Variants in GRIP1 observed in about 807,000 individuals in gnomAD.
GRIP1 encodes the protein glutamate receptor interacting protein 1.
Under a neutral mutation model 129.9 loss-of-function variants are expected in GRIP1, and 45 were observed. The ratio of observed to expected loss-of-function variants is 0.35; its 90% CI spans 0.27 to 0.44. The LOEUF is 0.44. Among genes scored for constraint, GRIP1 ranks in the 20% least tolerant of loss-of-function variants. GRIP1 has a pLI of 1.00. For missense variants in GRIP1, 1,196 were observed against 1,396.8 expected, an observed-to-expected ratio of 0.86 and a Z score of 2.29; for synonymous variants, 530 against 520.8, an observed-to-expected ratio of 1.02 and a Z score of -0.24.
chr12:66,484,653 T>G (rs11176222), intron 7 of GRIP1, among the ~76,000 whole-genome samples: 64,795 of 151,824 alleles, frequency 0.43, 14,342 homozygotes, highest in Middle Eastern at 0.61. Flanking sequence ...GAGAGTAGAA[T>G]GGTGGTTACC....
chr12:66,687,684 A>G (rs2034833501), intron 1 of GRIP1, among the ~76,000 whole-genome samples: 2 of 152,218 alleles, frequency 1.3e-5, no homozygotes, highest in South Asian at 4.1e-4. Context: ...TGAATTGCTC[A>G]TGCTTAAACA....
At chr12:66,800,886 G>T (rs569856114) in intron 1 of GRIP1, among the ~76,000 whole-genome samples, 1 of 151,908 alleles carries the variant, frequency 6.6e-6, no homozygotes, top group African/African-American at 2.4e-5. Flanking sequence ...TGCAGTCTCG[G>T]ATTTACAAAC....
chr12:66,376,985 C>T (rs751218123), intron 22 of GRIP1, 32 bp downstream of exon 22: 1 of 1,551,148 alleles, frequency 6.4e-7, no homozygotes, highest in South Asian at 1.1e-5. Context: ...GGCAGCTTCA[C>T]AAGCAAAAAT....
intron 7 of GRIP1, among the ~76,000 whole-genome samples, chr12:66,466,501 G>A (rs1397543888): frequency 6.6e-6 from 1 of 152,188 alleles, no homozygotes; most frequent in Non-Finnish European, 1.5e-5. Flanking sequence ...AAAACATCTG[G>A]ATTCAATTCT....
chr12:66,538,385 A>G (rs1199531326), intron 4 of GRIP1, among the ~76,000 whole-genome samples: 2 of 150,988 alleles, frequency 1.3e-5, no homozygotes, highest in African/African-American at 4.9e-5. Flanking sequence ...TGGTAGAAAC[A>G]TGGTCTCATT....
intron 1 of GRIP1, among the ~76,000 whole-genome samples, chr12:66,706,853 C>T (rs1443166200): frequency 6.6e-6 from 1 of 151,778 alleles, no homozygotes; most frequent in African/African-American, 2.4e-5. Context: ...AGAACATACA[C>T]CAGGACCTAT....
intron 1 of GRIP1, among the ~76,000 whole-genome samples, chr12:66,881,164 G>A (rs2040471870): frequency 6.7e-6 from 1 of 149,530 alleles, no homozygotes; most frequent in African/African-American, 2.5e-5. Flanking sequence ...AAAAGGCCCA[G>A]TGGACAGAAA....
At chr12:66,449,002 T>G (rs2058704429) in intron 11 of GRIP1, among the ~76,000 whole-genome samples, 1 of 152,186 alleles carries the variant, frequency 6.6e-6, no homozygotes, top group Non-Finnish European at 1.5e-5. Flanking sequence ...GCCCCAACCC[T>G]CTTGACACAC....
At chr12:66,585,829 T>C (rs1274858944) in intron 2 of GRIP1, among the ~76,000 whole-genome samples, 1 of 152,000 alleles carries the variant, frequency 6.6e-6, no homozygotes, top group Non-Finnish European at 1.5e-5. Flanking sequence ...ACTGTGGTTT[T>C]GATTTGCATT....
intron 1 of GRIP1, among the ~76,000 whole-genome samples, chr12:66,884,503 T>C (rs964402544): frequency 2.6e-5 from 4 of 152,186 alleles, no homozygotes; most frequent in African/African-American, 7.2e-5. Flanking sequence ...GGAAAGCAAC[T>C]TCCTTGAATG....
chr12:67,056,923 G>T (rs1348956545), intron 1 of GRIP1, among the ~76,000 whole-genome samples: 1 of 152,074 alleles, frequency 6.6e-6, no homozygotes, highest in Non-Finnish European at 1.5e-5. Context: ...CGATTCTCCT[G>T]CCTCAATCTC....
At chr12:66,410,249 CAAAAA>C (rs1177155122) in intron 15 of GRIP1, among the ~76,000 whole-genome samples, 2 of 47,434 alleles carry the variant, frequency 4.2e-5, no homozygotes, top group Admixed American at 3.7e-4. Context: ...GACTCCGTCT[CAAAAA>C]AAAAAAAAAA....
Position 66,362,433 on chromosome 12 carries a change from G to A in GRIP1, c.3013-8870C>T, listed in dbSNP as rs567514030. Among the ~76,000 whole-genome samples, 19 of 151,666 alleles carry A rather than the reference G, an allele frequency of 1.3e-4. No individual in the cohort carries two copies. The East Asian group carries it at 1.4e-3, about 11-fold the overall frequency. On this transcript the variant is annotated intron_variant, in intron 23 of 24. Coordinates refer to ENST00000359742, the MANE Select transcript of GRIP1 (RefSeq NM_001366722.1). ...CTCCCAAAATGCTGGGATTACAGGCGCAAGTCACCGCGCCCAGCCTTCAAT... is the reference window on the plus strand; with the variant it reads ...CTCCCAAAATGCTGGGATTACAGGCACAAGTCACCGCGCCCAGCCTTCAAT...
chr12:66,554,178 G>A (rs1314119383), intron 2 of GRIP1, among the ~76,000 whole-genome samples: 1 of 152,168 alleles, frequency 6.6e-6, no homozygotes, highest in African/African-American at 2.4e-5. Flanking sequence ...AGAGAAGAGG[G>A]AAGAGTAAAG....
chr12:67,003,187 T>C (rs2042577316), intron 1 of GRIP1, among the ~76,000 whole-genome samples: 1 of 152,182 alleles, frequency 6.6e-6, no homozygotes, highest in Non-Finnish European at 1.5e-5. Context: ...TTCCTCCTCT[T>C]CCAACGCCCT....
chr12:66,508,553 G>A lies in GRIP1; in HGVS notation c.724+7066C>T, dbSNP rs146602510. Among the ~76,000 whole-genome samples, 947 of 152,232 alleles carry A rather than the reference G, an allele frequency of 6.2e-3. 8 individuals carry two copies. Among genetic ancestry groups the A allele is most frequent in the African/African-American group, 0.022 (905 of 41,540 alleles). ...ATCCAAATAAGAACAGGATGAATGA[G>A]GGAGATGGATTTGACCTGGGCCGGT... On this transcript the variant is annotated intron_variant, in intron 7 of 24. Transcript: ENST00000359742.
chr12:66,435,088 C>T (rs1039081974), intron 13 of GRIP1, among the ~76,000 whole-genome samples: 5 of 152,204 alleles, frequency 3.3e-5, no homozygotes, highest in South Asian at 4.1e-4. Context: ...CAAGTGTTTA[C>T]GGGCATAGCA....
chr12:66,961,900 C>T (rs2041926953), intron 1 of GRIP1, among the ~76,000 whole-genome samples: 1 of 152,110 alleles, frequency 6.6e-6, no homozygotes, highest in Non-Finnish European at 1.5e-5. Context: ...ACGTTGTTTG[C>T]TTACTCTAAT....
At position 66,455,537 on chromosome 12, in the gene GRIP1, G is replaced by A; in HGVS notation, c.1226C>T (p.Pro409Leu). ...PPALVSSSFSPTSMSAYSLSS... is the reference protein window; with the variant it reads ...PPALVSSSFSLTSMSAYSLSS... Reference sequence around the variant, plus strand: ...CAGGCTGTATGCACTCATGGAGGTAGGAGAGAAGGATGAAGACACCAAAGC... The same window carrying A: ...CAGGCTGTATGCACTCATGGAGGTAAGAGAGAAGGATGAAGACACCAAAGC... Residue 409 changes from proline (P) to leucine (L), a missense_variant, in exon 11 of 25, where the codon CCT becomes CTT. By Grantham distance (98) the Pro-to-Leu change is moderately conservative. This residue lies in a region of GRIP1 where 508 missense variants were observed against 587.0 expected (regional missense o/e 0.87). Transcript: ENST00000359742. The A allele has an allele frequency of 2.5e-6, 4 of 1,614,098 alleles. No individual in the cohort carries two copies. Among genetic ancestry groups the A allele is most frequent in the Non-Finnish European group, 3.4e-6 (4 of 1,179,936 alleles).
Sources: allele counts gnomAD v4.1 joint callset (sites outside exome capture counted in the v4.1 genomes callset), GRCh38; gene constraint gnomAD v4.1.1; regional missense constraint gnomAD v4.1.1; transcripts MANE v1.5; gene names NCBI Gene and HGNC (gene_info 2026-07-23, HGNC 2026-07-21).